The following STKLD1 variants were observed in gnomAD, a reference collection of about 807,000 sequenced individuals.
The protein encoded by STKLD1 is serine/threonine kinase-like domain-containing protein STKLD1.
Under a neutral mutation model 80.4 loss-of-function variants are expected in STKLD1, and 79 were observed. The ratio of observed to expected loss-of-function variants is 0.98; its 90% CI spans 0.82 to 1.19. The LOEUF is 1.19. Among genes scored for constraint, STKLD1 ranks in the 50% most tolerant of loss-of-function variants. The probability of loss-of-function intolerance (pLI) is 0.00; values close to 1 mark genes in which losing one functional copy is unlikely to be tolerated. For missense variants in STKLD1, 841 were observed against 856.0 expected (o/e 0.98, Z 0.22); for synonymous variants, 393 against 357.6 (o/e 1.10, Z -1.12).
chr9:133,390,250 C>CACA lies in STKLD1; in HGVS notation c.468-429_468-428insAAC, dbSNP rs1564378845. ...ACACACACACACACACACACACACA[C>CACA]ACCACGCAGACCATACGTACAAAGG... On this transcript the variant is annotated intron_variant, in intron 6 of 17. Transcript: ENST00000371957. This position sits in a 1 kb window ranked among gnomAD's most constrained non-coding sequence, Gnocchi z 5.1. Among the ~76,000 whole-genome samples, 1 of 123,318 alleles carries CACA rather than the reference C, an allele frequency of 8.1e-6. No individual in the cohort carries two copies. The highest frequency in any genetic ancestry group is 4.0e-5 in the African/African-American group (1 of 24,754). The allele number at this position is 123,318 out of a possible 152,430, so 80.9% of individuals were successfully genotyped here.
At chr9:133,386,243 CAGA>C (rs1381345975) in intron 4 of STKLD1, among the ~76,000 whole-genome samples, 2 of 152,156 alleles carry the variant, frequency 1.3e-5, no homozygotes, top group Non-Finnish European at 2.9e-5. Flanking sequence ...ACCCATTTGA[CAGA>C]AGAAGAAACA....
rs1224956943 is a variant in STKLD1 at position 133,405,578 on chromosome 9, G to A, written c.*157G>A. ...AAGAGTTTCCTGTCCATGACTGCTG[G>A]ATTGAGTCACATGAGTAACTGCTCC... On this transcript the variant is annotated 3_prime_UTR_variant, in exon 18 of 18. Coordinates refer to ENST00000371957, the MANE Select transcript of STKLD1 (RefSeq NM_153710.5). 3 of 676,332 alleles carry A rather than the reference G, an allele frequency of 4.4e-6. No individual in the cohort carries two copies. The highest frequency in any genetic ancestry group is 3.7e-5 in the Admixed American group (1 of 27,158). 41.9% of individuals were successfully genotyped at this position (676,332 alleles called of 1,614,324 possible). A position where few individuals can be genotyped will look rare whatever the true frequency, so the allele number is the denominator to read the frequency against.
intron 2 of STKLD1, among the ~76,000 whole-genome samples, chr9:133,381,185 C>G (rs1179988864): frequency 8.2e-6 from 1 of 122,558 alleles, no homozygotes; most frequent in African/African-American, 3.2e-5. Flanking sequence ...GTTGCCCAGG[C>G]TGGAGTACAG....
intron 5 of STKLD1, chr9:133,388,645 T>C (rs1838316789): frequency 1.5e-6 from 1 of 680,080 alleles, no homozygotes; most frequent in South Asian, 6.6e-5. Flanking sequence ...GCCTTTGGAG[T>C]TTAAGAAGCA....
chr9:133,383,281 G>A (rs1838185736), intron 2 of STKLD1, among the ~76,000 whole-genome samples: 6 of 6,842 alleles, frequency 8.8e-4, no homozygotes, highest in Non-Finnish European at 9.3e-4. Flanking sequence ...GGTAATGGTG[G>A]TGGTGTGATG....
At position 133,377,942 on chromosome 9, in the gene STKLD1, A is replaced by G. The variant is rs2130256206; in HGVS notation, c.88-1094A>G. Reference sequence around the variant, plus strand: ...GGGAGACAGTGACGGATCATCAGGCATTTGTTTCTCATAAGGAGCATGCAA... The same window carrying G: ...GGGAGACAGTGACGGATCATCAGGCGTTTGTTTCTCATAAGGAGCATGCAA... On this transcript the variant is annotated intron_variant, in intron 1 of 17. Transcript: ENST00000371957. Among the ~76,000 whole-genome samples, 20 of 152,302 alleles carry G rather than the reference A, an allele frequency of 1.3e-4. 1 individual carries two copies. The East Asian group carries it at 2.5e-3, about 19-fold the overall frequency.
At chr9:133,399,894 AG>A (rs375453369) in intron 11 of STKLD1, among the ~76,000 whole-genome samples, 1 of 127,228 alleles carries the variant, frequency 7.9e-6, no homozygotes, top group Middle Eastern at 3.8e-3. Context: ...AAAAAAAAAA[AG>A]AGGGGGGGGT....
At chr9:133,379,500 G>T (rs2130261166) in intron 2 of STKLD1, among the ~76,000 whole-genome samples, 5 of 152,208 alleles carry the variant, frequency 3.3e-5, no homozygotes, top group African/African-American at 1.2e-4. Context: ...TTTCCAAGAG[G>T]ATTTGAATTC....
rs782296470 is a variant in STKLD1 at position 133,394,563 on chromosome 9, T to G, written c.702+154T>G. 2.0e-5 allele frequency among the ~76,000 whole-genome samples: 3 copies of G among 152,110 alleles called. No individual in the cohort carries two copies. Among genetic ancestry groups the G allele is most frequent in the Non-Finnish European group, 2.9e-5 (2 of 68,012 alleles). On this transcript the variant is annotated intron_variant, in intron 8 of 17. Transcript: ENST00000371957. This position sits in a 1 kb window ranked among gnomAD's most constrained non-coding sequence, Gnocchi z 4.9. ...CCCTCTTCTCCACCTGCGAGGGGCC[T>G]GCCCTCCTCAGAACCCCTCAGCTTG...
Position 133,389,903 on chromosome 9 carries a change from G to A in STKLD1, c.467+307G>A, listed in dbSNP as rs1341921693. Among the ~76,000 whole-genome samples the A allele has an allele frequency of 6.6e-5, 10 of 152,210 alleles. No homozygotes were observed. The highest frequency in any genetic ancestry group is 5.9e-4 in the Admixed American group (9 of 15,278). On this transcript the variant is annotated intron_variant, in intron 6 of 17. Transcript: ENST00000371957. The surrounding 1 kb of genome is among the most constrained non-coding windows in gnomAD (Gnocchi z 6.4). ...AAGAAGAGAGACCGGGTTGCCTGCC[G>A]TGGGGCCAGTGTGGGCTGAGTGGGC...
chr9:133,401,948 T>C, intron 13 of STKLD1, 70 bp downstream of exon 13: 2 of 1,581,656 alleles, frequency 1.3e-6, no homozygotes, highest in Non-Finnish European at 1.7e-6. Context: ...CTTGGAAGGG[T>C]TGGTTTGGGG....
intron 13 of STKLD1, among the ~76,000 whole-genome samples, chr9:133,402,512 G>A (rs1284356558): frequency 6.6e-6 from 1 of 152,240 alleles, no homozygotes; most frequent in Non-Finnish European, 1.5e-5. Context: ...GAACCCTCAG[G>A]CAAAATGGAT....
Position 133,405,578 on chromosome 9 carries a change from G to C in STKLD1, c.*157G>C. ...AAGAGTTTCCTGTCCATGACTGCTG[G>C]ATTGAGTCACATGAGTAACTGCTCC... On this transcript the variant is annotated 3_prime_UTR_variant, in exon 18 of 18. Transcript: ENST00000371957. The C allele has an allele frequency of 1.5e-6, 1 of 676,450 alleles. No individual in the cohort carries two copies. Among genetic ancestry groups the C allele is most frequent in the South Asian group, 2.5e-5 (1 of 39,602 alleles). The allele number at this position is 676,450 out of a possible 1,614,324, so 41.9% of individuals were successfully genotyped here.
chr9:133,401,082 G>C (rs1307421025), intron 12 of STKLD1, among the ~76,000 whole-genome samples: 2 of 152,036 alleles, frequency 1.3e-5, no homozygotes, highest in African/African-American at 4.8e-5. Context: ...GAGAGACATG[G>C]GTTGTTAAAA....
rs957235636 is a variant in STKLD1 at position 133,382,293 on chromosome 9, G to T, written c.175-1563G>T. Among the ~76,000 whole-genome samples, 4 of 152,228 alleles carry T rather than the reference G, an allele frequency of 2.6e-5. No individual in the cohort carries two copies. In the East Asian group the frequency reaches 5.8e-4, roughly 22 times the overall value. On this transcript the variant is annotated intron_variant, in intron 2 of 17. Coordinates refer to ENST00000371957, the MANE Select transcript of STKLD1 (RefSeq NM_153710.5). ...GGATCCTTTACTGAGTTCTTGGAGC[G>T]TATATTATGCTGTCCTAAACTTATC...
At chr9:133,383,757 G>A in intron 2 of STKLD1, 99 bp from the exon 3 acceptor site, 2 of 1,113,822 alleles carry the variant, frequency 1.8e-6, no homozygotes, top group Admixed American at 1.7e-5. Context: ...TGGTGGCTGT[G>A]CAGATGATGG....
rs1838778313 is a variant in STKLD1 at position 133,404,061 on chromosome 9, A to T, written c.1732+13A>T. The T allele has an allele frequency of 6.3e-7, 1 of 1,583,412 alleles. No individual in the cohort carries two copies. The highest frequency in any genetic ancestry group is 2.2e-5 in the East Asian group (1 of 44,666). On this transcript the variant is annotated intron_variant, in intron 16 of 17. Transcript: ENST00000371957. ...GTGAAGGTGTCAGGTGAGCCTGGGG[A>T]CAGGACGAGGCTGCCACCTAGAGGT... is the stretch of plus-strand genomic sequence containing the variant.
Position 133,390,708 on chromosome 9 carries a change from C to A in STKLD1, c.495C>A (p.Leu165=), listed in dbSNP as rs2130287121. The change falls in exon 7 of 18, where the codon CTC becomes CTA. Residue 165 remains leucine, a synonymous_variant. Transcript: ENST00000371957. The surrounding 1 kb of genome is among the most constrained non-coding windows in gnomAD (Gnocchi z 5.1). ...HRNLKPSNII[L]ISSDHCKLQD... ...ATCTCAAACCCTCCAACATCATCCT[C>A]ATCAGCAGTGACCACTGCAAACTGC... 1 of 1,613,814 alleles carries A rather than the reference C, an allele frequency of 6.2e-7. No individual in the cohort carries two copies. The highest frequency in any genetic ancestry group is 1.1e-5 in the South Asian group (1 of 91,076).
chr9:133,379,437 T>G (rs2130261019), intron 2 of STKLD1, among the ~76,000 whole-genome samples: 1 of 152,358 alleles, frequency 6.6e-6, no homozygotes, highest in East Asian at 1.9e-4. Flanking sequence ...ACCCTGTTTA[T>G]AGCCAAAGAC....
Sources: allele counts gnomAD v4.1 joint callset (sites outside exome capture counted in the v4.1 genomes callset), GRCh38; gene constraint gnomAD v4.1.1; non-coding constraint Gnocchi (gnomAD v3.1); transcripts MANE v1.5; gene names NCBI Gene and HGNC (gene_info 2026-07-23, HGNC 2026-07-21).